Variants in MTF2 observed in about 807,000 individuals in gnomAD.
The protein encoded by MTF2 is metal-response element-binding transcription factor 2.
In MTF2, 11 loss-of-function variants were observed where a neutral mutation model predicts 79.5. That is an observed-to-expected ratio of 0.14 (90% CI 0.09 to 0.23). MTF2 has a LOEUF of 0.23. MTF2 is among the 10% of genes least tolerant of loss of function. MTF2 has a pLI of 1.00. For synonymous variants in MTF2, 208 were observed against 232.8 expected, an observed-to-expected ratio of 0.89 and a Z score of 0.97; for missense variants, 486 against 711.2, an observed-to-expected ratio of 0.68 and a Z score of 3.60.
chr1:93,130,223 C>T (rs182443356), intron 11 of MTF2, among the ~76,000 whole-genome samples: 16 of 152,106 alleles, frequency 1.1e-4, no homozygotes, highest in African/African-American at 3.6e-4. Flanking sequence ...GTAGGTCTTA[C>T]AAGGAATTTG....
intron 9 of MTF2, among the ~76,000 whole-genome samples, chr1:93,123,852 C>T (rs544572753): frequency 5.1e-4 from 74 of 145,532 alleles, no homozygotes; most frequent in African/African-American, 1.8e-3. Flanking sequence ...TTAGGTTGTC[C>T]CCTTCTGCCA....
At chr1:93,094,331 T>C (rs1322768298) in intron 1 of MTF2, among the ~76,000 whole-genome samples, 1 of 152,212 alleles carries the variant, frequency 6.6e-6, no homozygotes, top group Non-Finnish European at 1.5e-5. Context: ...CATTGCCAGC[T>C]AACCCAGAAA....
intron 1 of MTF2, among the ~76,000 whole-genome samples, chr1:93,105,204 T>C (rs551037920): frequency 3.3e-5 from 5 of 150,520 alleles, no homozygotes; most frequent in South Asian, 2.1e-4. Flanking sequence ...GTGGGTTATA[T>C]TGAAGTGGGC....
chr1:93,086,486 G>A lies in MTF2; in HGVS notation c.5+6955G>A, dbSNP rs568320672. ...TGCACTCCATCCTGGGTGACAGAGC[G>A]AGACTGTCTCAAAAAAAAAAAAAAA... On this transcript the variant is annotated intron_variant, in intron 1 of 14. Transcript: ENST00000370298. Among the ~76,000 whole-genome samples the A allele has an allele frequency of 2.8e-3, 331 of 117,746 alleles. 1 individual carries two copies. The highest frequency in any genetic ancestry group is 3.6e-3 in the Non-Finnish European group (214 of 58,704). 77.2% of individuals were successfully genotyped at this position (117,746 alleles called of 152,430 possible).
chr1:93,130,712 G>A (rs1656883524), intron 11 of MTF2, among the ~76,000 whole-genome samples: 1 of 152,178 alleles, frequency 6.6e-6, no homozygotes, highest in Non-Finnish European at 1.5e-5. Flanking sequence ...GAGGTAGGTG[G>A]TAACACTCAA....
intron 9 of MTF2, among the ~76,000 whole-genome samples, chr1:93,122,863 G>A (rs1656535535): frequency 6.6e-6 from 1 of 151,984 alleles, no homozygotes; most frequent in Non-Finnish European, 1.5e-5. Flanking sequence ...ATAATAAAGA[G>A]ATGATAAAAT....
rs1231937241 is a variant in MTF2, at chr1:93,110,434, TTA to T, written c.204+7_204+8del. The stretch of plus-strand genomic sequence containing the variant: ...ATCTTGGCACTATCAAAAAGGCAAG[TTA>T]CTTTAATGTATCTTTTGCTGTTTTT... On this transcript the variant is annotated splice_region_variant and intron_variant, in intron 2 of 14. Coordinates refer to ENST00000370298, the MANE Select transcript of MTF2 (RefSeq NM_007358.4). The T allele has an allele frequency of 6.2e-7, 1 of 1,613,782 alleles. No homozygotes were observed. Among genetic ancestry groups the T allele is most frequent in the Admixed American group, 1.7e-5 (1 of 60,014 alleles).
chr1:93,098,545 A>G (rs576113346), intron 1 of MTF2, among the ~76,000 whole-genome samples: 1 of 152,298 alleles, frequency 6.6e-6, no homozygotes, highest in East Asian at 1.9e-4. Flanking sequence ...TGTTTTCCTT[A>G]ACTCTCATTG....
At chr1:93,101,366 CTTTTTTTTT>C (rs71586777) in intron 1 of MTF2, among the ~76,000 whole-genome samples, 5 of 108,620 alleles carry the variant, frequency 4.6e-5, no homozygotes, top group African/African-American at 1.1e-4. Flanking sequence ...CTATCTTAAC[CTTTTTTTTT>C]TTTTTTTTTT....
Position 93,133,903 on chromosome 1 carries a change from T to C in MTF2, c.1267-25T>C, listed in dbSNP as rs776465657. Reference sequence around the variant, plus strand: ...TTTCAGCTTACTTTAGAGACATGCTTTAAGTATATATTTTTATTTTCCAGG... The same window carrying C: ...TTTCAGCTTACTTTAGAGACATGCTCTAAGTATATATTTTTATTTTCCAGG... On this transcript the variant is annotated intron_variant, in intron 12 of 14. Transcript: ENST00000370298. The C allele has an allele frequency of 6.6e-5, 102 of 1,547,694 alleles. 1 individual carries two copies. In the South Asian group the frequency reaches 1.1e-3, roughly 17 times the overall value.
At chr1:93,108,326 T>C (rs1252351659) in intron 1 of MTF2, among the ~76,000 whole-genome samples, 1 of 152,180 alleles carries the variant, frequency 6.6e-6, no homozygotes, top group African/African-American at 2.4e-5. Flanking sequence ...CTGGGTTTAC[T>C]TACTTTCAAT....
chr1:93,130,434 G>A (rs1007843786), intron 11 of MTF2, among the ~76,000 whole-genome samples: 10 of 152,036 alleles, frequency 6.6e-5, no homozygotes, highest in South Asian at 2.1e-4. Flanking sequence ...AAAATTAGCC[G>A]GGCATGGTGG....
intron 4 of MTF2, 80 bp from the exon 5 acceptor site, chr1:93,114,908 T>C: frequency 7.9e-7 from 1 of 1,263,006 alleles, no homozygotes; most frequent in South Asian, 1.4e-5. Flanking sequence ...ATGTAGGAAA[T>C]AATGCTAAAA....
chr1:93,109,695 T>A lies in MTF2; in HGVS notation c.6-535T>A, dbSNP rs564052444. Among the ~76,000 whole-genome samples, 275 of 152,190 alleles carry A rather than the reference T, an allele frequency of 1.8e-3. 1 individual carries two copies. In the South Asian group the frequency reaches 0.02, roughly 11 times the overall value. On this transcript the variant is annotated intron_variant, in intron 1 of 14. Coordinates refer to ENST00000370298, the MANE Select transcript of MTF2 (RefSeq NM_007358.4). The stretch of plus-strand genomic sequence containing the variant: ...TGCTGGTTCTCAATGTTTTTTTTTT[T>A]AAACTCTCAGTCTGCATATTTGCTC...
At chr1:93,092,739 A>G (rs1323014433) in intron 1 of MTF2, among the ~76,000 whole-genome samples, 6 of 152,204 alleles carry the variant, frequency 3.9e-5, no homozygotes, top group Admixed American at 3.9e-4. Context: ...TGAGAAAGAA[A>G]TTCATTGCTT....
At chr1:93,102,516 C>T (rs537202573) in intron 1 of MTF2, among the ~76,000 whole-genome samples, 4 of 151,974 alleles carry the variant, frequency 2.6e-5, no homozygotes, top group East Asian at 3.9e-4. Flanking sequence ...CCCTTGAGCC[C>T]GGGAGATTGA....
At position 93,114,968 on chromosome 1, in the gene MTF2, A is replaced by G; in HGVS notation, c.383-20A>G. 6.5e-7 allele frequency: 1 copy of G among 1,537,220 alleles called. No individual in the cohort carries two copies. ...GTATTAATGAAACCGAATTTGCTTT[A>G]TGCTTTTTTTGATATTAAGGATATC... On this transcript the variant is annotated intron_variant, in intron 4 of 14. Coordinates refer to ENST00000370298, the MANE Select transcript of MTF2 (RefSeq NM_007358.4).
At position 93,130,756 on chromosome 1, in the gene MTF2, A is replaced by C. The variant is rs573295778; in HGVS notation, c.1160+1308A>C. On this transcript the variant is annotated intron_variant, in intron 11 of 14. Transcript: ENST00000370298. Reference sequence around the variant, plus strand: ...AAAACAGATATGAGGTCTTTATTGGAGGTAGAATTAATTGGATTTGCTAAT... The same window carrying C: ...AAAACAGATATGAGGTCTTTATTGGCGGTAGAATTAATTGGATTTGCTAAT... Among the ~76,000 whole-genome samples, 4 of 152,262 alleles carry C rather than the reference A, an allele frequency of 2.6e-5. No homozygotes were observed. The South Asian group carries it at 8.3e-4, about 32-fold the overall frequency.
Position 93,134,084 on chromosome 1 carries a change from G to T in MTF2, c.1320-7G>T. ...GTCGTTACACAATTTAAATTCTTTT[G>T]TCTCAGGAGAACTGAGGGAACTGCA... On this transcript the variant is annotated splice_polypyrimidine_tract_variant and splice_region_variant and intron_variant, in intron 13 of 14. Coordinates refer to ENST00000370298, the MANE Select transcript of MTF2 (RefSeq NM_007358.4). The T allele has an allele frequency of 6.3e-7, 1 of 1,598,714 alleles. No individual in the cohort carries two copies.
Sources: allele counts gnomAD v4.1 joint callset (sites outside exome capture counted in the v4.1 genomes callset), GRCh38; gene constraint gnomAD v4.1.1; transcripts MANE v1.5; gene names NCBI Gene and HGNC (gene_info 2026-07-23, HGNC 2026-07-21).